Variants in HNRNPH1 observed in about 807,000 individuals in gnomAD.
HNRNPH1 encodes heterogeneous nuclear ribonucleoprotein H.
Under a neutral mutation model 58.6 loss-of-function variants are expected in HNRNPH1, and 4 were observed. The ratio of observed to expected loss-of-function variants is 0.07; its 90% confidence interval spans 0.03 to 0.16. The LOEUF is 0.16. Among genes scored for constraint, HNRNPH1 ranks in the 10% least tolerant of loss-of-function variants. The probability of loss-of-function intolerance (pLI) is 1.00; values close to 1 mark genes in which losing one functional copy is unlikely to be tolerated. For missense variants in HNRNPH1, 271 were observed against 564.2 expected (o/e 0.48, Z 5.26); for synonymous variants, 192 against 189.2 (o/e 1.01, Z -0.12).
chr5:179,619,481 T>A, intron 3 of HNRNPH1, 74 bp from the exon 5 acceptor site: 2 of 1,394,056 alleles, frequency 1.4e-6, no homozygotes, highest in Non-Finnish European at 2.0e-6. Flanking sequence ...ATTCTTCTTA[T>A]AGCTTTAAAT....
rs762567798 is a variant in HNRNPH1 at position 179,616,851 on chromosome 5, A to G, written c.1207+18T>C. ...AGATATAAACGTTTTGGTTTTTAAA[A>G]AAACTAACGATATTTACACAAGCCC... On this transcript the variant is annotated intron_variant, in intron 10 of 12. Coordinates refer to ENST00000356731, the Ensembl canonical transcript of HNRNPH1. The G allele has an allele frequency of 1.2e-6, 2 of 1,607,754 alleles. No homozygotes were observed. The highest frequency in any genetic ancestry group is 1.7e-6 in the Non-Finnish European group (2 of 1,175,510).
chr5:179,614,311 G>C (rs543793490), exon 13 of HNRNPH1: 1 of 150,768 alleles, frequency 6.6e-6, no homozygotes, highest in South Asian at 2.1e-4. Context: ...AAAATCCTAA[G>C]TATTGGTATT....
At chr5:179,632,340 C>G (rs1774911179) in intron 2 of HNRNPH1, among the ~76,000 whole-genome samples, 1 of 152,054 alleles carries the variant, frequency 6.6e-6, no homozygotes, top group Non-Finnish European at 1.5e-5. Context: ...AAAAGGGCGT[C>G]TCGGTTAGAG....
intron 10 of HNRNPH1, 129 bp downstream of exon 11, chr5:179,616,740 C>CA: frequency 1.3e-6 from 1 of 785,688 alleles, no homozygotes; most frequent in Non-Finnish European, 2.1e-6. Flanking sequence ...ATACAAAACT[C>CA]AAATATCAAG....
intron 2 of HNRNPH1, among the ~76,000 whole-genome samples, chr5:179,632,363 G>A (rs568845594): frequency 2.6e-5 from 4 of 152,200 alleles, no homozygotes; most frequent in Non-Finnish European, 5.9e-5. Context: ...CGGGTATGGG[G>A]TAGCACCCCC....
At chr5:179,622,937 G>A (rs1197052037) in intron 1 of HNRNPH1, 100 bp downstream of exon 2, 1 of 28,046 alleles carries the variant, frequency 3.6e-5, no homozygotes, top group Non-Finnish European at 6.1e-5. Flanking sequence ...GGCCCGGCCC[G>A]GCCCGGCCCG....
At chr5:179,622,020 A>C (rs1355967211) in intron 1 of HNRNPH1, 1 of 455,678 alleles carries the variant, frequency 2.2e-6, no homozygotes, top group Admixed American at 2.4e-5. Flanking sequence ...TCTTGCCAAA[A>C]GCTGTTAATT....
chr5:179,622,027 A>G, intron 1 of HNRNPH1: 1 of 455,222 alleles, frequency 2.2e-6, no homozygotes, highest in Non-Finnish European at 4.4e-6. Context: ...AAAAGCTGTT[A>G]ATTTCATCCA....
At chr5:179,620,867 C>T in intron 3 of HNRNPH1, 25 bp downstream of exon 4, 1 of 1,611,136 alleles carries the variant, frequency 6.2e-7, no homozygotes, top group Non-Finnish European at 8.5e-7. Context: ...AAACTCACTG[C>T]TCAGCAACAA....
exon 7 of HNRNPH1, chr5:179,617,868 C>T: frequency 6.2e-7 from 1 of 1,613,728 alleles, no homozygotes; most frequent in East Asian, 2.2e-5. Context: ...CTGTTGTGCT[C>T]TGGAAAGTAG....
upstream of HNRNPH1, among the ~76,000 whole-genome samples, chr5:179,626,983 G>A (rs1389592590): frequency 3.3e-5 from 5 of 151,798 alleles, no homozygotes; most frequent in South Asian, 2.1e-4. Flanking sequence ...GGGTTTCACC[G>A]TGTTAGCCAG....
At chr5:179,622,265 G>A (rs1345215916) in intron 1 of HNRNPH1, among the ~76,000 whole-genome samples, 1 of 152,148 alleles carries the variant, frequency 6.6e-6, no homozygotes, top group Non-Finnish European at 1.5e-5. Context: ...TTAACTTTCC[G>A]AAGAATGCTC....
upstream of HNRNPH1, among the ~76,000 whole-genome samples, chr5:179,625,100 G>A (rs1048989491): frequency 6.6e-6 from 1 of 152,072 alleles, no homozygotes; most frequent in Non-Finnish European, 1.5e-5. Flanking sequence ...AGATGGAGCA[G>A]GCAGGGTGAA....
At position 179,621,040 on chromosome 5, in the gene HNRNPH1, AAG is replaced by A; in HGVS notation, c.254-7_254-6del. 1.2e-6 allele frequency: 2 copies of A among 1,613,132 alleles called. No homozygotes were observed. Among genetic ancestry groups the A allele is most frequent in the Middle Eastern group, 1.7e-4 (1 of 6,060 alleles). ...CAACGTTGTTTGACTTGAATACTGA[AAG>A]AGGTGCTTAGAATTAGTCACTTTTG... On this transcript the variant is annotated splice_region_variant and splice_polypyrimidine_tract_variant and intron_variant, in intron 2 of 12. Coordinates refer to ENST00000356731, the Ensembl canonical transcript of HNRNPH1.
chr5:179,615,427 T>C, intron 12 of HNRNPH1, 119 bp downstream of exon 13: 2 of 562,432 alleles, frequency 3.6e-6, no homozygotes, highest in Non-Finnish European at 6.4e-6. Flanking sequence ...GGCAACTCAC[T>C]GTGCCCAAAT....
chr5:179,625,200 C>T (rs1336422088), upstream of HNRNPH1, among the ~76,000 whole-genome samples: 1 of 152,126 alleles, frequency 6.6e-6, no homozygotes, highest in East Asian at 1.9e-4. Context: ...CTGAGGTAAT[C>T]AAGAAGAGAG....
chr5:179,618,414 T>C (rs929673899), intron 4 of HNRNPH1, 91 bp from the exon 6 acceptor site: 12 of 865,382 alleles, frequency 1.4e-5, no homozygotes, highest in South Asian at 1.1e-4. Context: ...GAAAACAATC[T>C]AGTCATAGCC....
intron 10 of HNRNPH1, 66 bp downstream of exon 11, chr5:179,616,798 ATTAAC>A (rs897897152): frequency 8.4e-5 from 107 of 1,277,210 alleles, no homozygotes; most frequent in Middle Eastern, 3.8e-4. Flanking sequence ...AAATAAATAG[ATTAAC>A]TTAACTTATA....
chr5:179,619,537 T>C (rs533418073), intron 3 of HNRNPH1, 130 bp from the exon 5 acceptor site: 2 of 722,716 alleles, frequency 2.8e-6, no homozygotes, highest in Admixed American at 5.6e-5. Context: ...TTTCAACAAG[T>C]ACTCTTTAAA....
Sources: gnomAD v4.1 joint callset for allele counts (sites outside exome capture counted in the v4.1 genomes callset) on GRCh38, gnomAD v4.1.1 for gene constraint, MANE v1.5 for transcripts, NCBI Gene and HGNC (gene_info 2026-07-23, HGNC 2026-07-21) for gene names.